KLC4: variants seen among roughly 807,000 people sequenced by gnomAD.
KLC4 encodes the protein kinesin light chain 4.
In KLC4, 49 loss-of-function variants were observed where a neutral mutation model predicts 77.2. The observed-to-expected ratio is 0.63, with a 90% CI of 0.50 to 0.80. The LOEUF (loss-of-function observed/expected upper bound fraction) is 0.80. Among genes scored for constraint, KLC4 ranks in the 30% least tolerant of loss-of-function variants. The pLI is 0.00. For missense variants in KLC4, 669 were observed against 793.5 expected (o/e 0.84, Z 1.89); for synonymous variants, 274 against 314.5 (o/e 0.87, Z 1.36).
At chr6:43,071,784 C>T (rs1765743094) in intron 10 of KLC4, 68 bp from the exon 11 acceptor site, 1 of 1,548,672 alleles carries the variant, frequency 6.5e-7, no homozygotes, top group Non-Finnish European at 8.8e-7. Flanking sequence ...CACCTTGCAT[C>T]TCAGCATCTC....
At chr6:43,067,119 C>T in intron 6 of KLC4, 36 bp downstream of exon 6, 1 of 1,600,830 alleles carries the variant, frequency 6.2e-7, no homozygotes, top group Non-Finnish European at 8.5e-7. Flanking sequence ...CCACGCCCCG[C>T]ACCCCCCACC....
At position 43,074,786 on chromosome 6, in the gene KLC4, T is replaced by A; in HGVS notation, c.*114T>A. On this transcript the variant is annotated 3_prime_UTR_variant, in exon 16 of 16. Coordinates refer to ENST00000347162, the MANE Select transcript of KLC4 (RefSeq NM_201521.3). ...TAGGTGGGACAGTGAAGGGGAGCAGTTTAACCAGAAGATTGCTGCTGCCCT... is the reference window on the plus strand; with the variant it reads ...TAGGTGGGACAGTGAAGGGGAGCAGATTAACCAGAAGATTGCTGCTGCCCT... The A allele has an allele frequency of 7.0e-6, 6 of 861,350 alleles. No homozygotes were observed. Among genetic ancestry groups the A allele is most frequent in the Admixed American group, 3.8e-5 (2 of 52,554 alleles). The allele number at this position is 861,350 out of a possible 1,614,324, so 53.4% of individuals were successfully genotyped here.
rs868584186 is a variant in KLC4, at chr6:43,073,713, A to G, written c.1746-189A>G. 31 of 601,472 alleles carry G rather than the reference A, an allele frequency of 5.2e-5. No homozygotes were observed. The South Asian group carries it at 5.2e-4, about 10-fold the overall frequency. The allele number at this position is 601,472 out of a possible 1,614,324, so 37.3% of individuals were successfully genotyped here. On this transcript the variant is annotated intron_variant, in intron 14 of 15. Coordinates refer to ENST00000347162, the MANE Select transcript of KLC4 (RefSeq NM_201521.3). ...CAAGTAAAGTAAGCCCTTGCCTCCA[A>G]CTCCTCTTGGCTCCTGATCTCTGGA...
At chr6:43,061,862 C>G (rs1328582827) in intron 2 of KLC4, among the ~76,000 whole-genome samples, 1 of 152,002 alleles carries the variant, frequency 6.6e-6, no homozygotes, top group Non-Finnish European at 1.5e-5. Flanking sequence ...ATTCGGTATG[C>G]CAGAGTGATA....
At chr6:43,061,690 A>G in intron 2 of KLC4, 97 bp downstream of exon 2, 3 of 1,232,876 alleles carry the variant, frequency 2.4e-6, no homozygotes, top group Non-Finnish European at 3.3e-6. Context: ...CTCACTCTAG[A>G]CGTTTGCATT....
intron 1 of KLC4, chr6:43,060,428 T>G: frequency 1.4e-6 from 2 of 1,455,826 alleles, no homozygotes; most frequent in East Asian, 2.7e-5. Context: ...AGGGTGTTTG[T>G]CCTGGGTGGG....
In KLC4 at chr6:43,071,734, T is replaced by C. The variant is rs1765740815; in HGVS notation, c.1308+115T>C. 5 of 1,434,380 alleles carry C rather than the reference T, an allele frequency of 3.5e-6. No individual in the cohort carries two copies. The Admixed American group carries it at 7.3e-5, about 21-fold the overall frequency. The allele number at this position is 1,434,380 out of a possible 1,614,324, so 88.9% of individuals were successfully genotyped here. ...CATCCCAGCACCAGCCCCAGATGCA[T>C]GGTGTCCTCCCCAGCCCAGCCTGCA... On this transcript the variant is annotated intron_variant, in intron 10 of 15. Coordinates refer to ENST00000347162, the MANE Select transcript of KLC4 (RefSeq NM_201521.3).
intron 6 of KLC4, 159 bp downstream of exon 6, chr6:43,067,242 CCTAATGATTCTCAATT>C: frequency 7.5e-7 from 1 of 1,327,974 alleles, no homozygotes; most frequent in Non-Finnish European, 9.7e-7. Flanking sequence ...GTCCAGTGAT[CCTAATGATTCTCAATT>C]CTCTGAGACT....
rs908951333 is a variant in KLC4 at position 43,065,487 on chromosome 6, C to T, written c.490-133C>T. 3 of 609,630 alleles carry T rather than the reference C, an allele frequency of 4.9e-6. No individual in the cohort carries two copies. The African/African-American group carries it at 5.5e-5, about 11-fold the overall frequency. The allele number at this position is 609,630 out of a possible 1,614,324, so 37.8% of individuals were successfully genotyped here. ...TTGGCTGGGCCACTTGCTAGCCTTT[C>T]CAGGGGCAGAGACAGGAACAACAGT... is the stretch of plus-strand genomic sequence containing the variant. On this transcript the variant is annotated intron_variant, in intron 3 of 15. Transcript: ENST00000347162.
rs527238560 is a variant in KLC4 at position 43,074,598 on chromosome 6, A to T, written c.1810-24A>T. On this transcript the variant is annotated intron_variant, in intron 15 of 15. Transcript: ENST00000347162. ...TTGGGAGGCCGAGGTCCCTGAGCTG[A>T]TGGGGTAGTGTTGTCTGTTTCAGGT... The T allele has an allele frequency of 1.7e-5, 28 of 1,612,670 alleles. 1 individual carries two copies. In the South Asian group the frequency reaches 3.1e-4, roughly 18 times the overall value.
chr6:43,062,786 C>G, intron 2 of KLC4, 131 bp from the exon 3 acceptor site: 1 of 678,050 alleles, frequency 1.5e-6, no homozygotes, highest in Admixed American at 2.5e-5. Context: ...AAGGTAGCAC[C>G]ACTGCTACAC....
intron 6 of KLC4, 41 bp downstream of exon 6, chr6:43,067,124 C>G (rs538360388): frequency 4.4e-5 from 71 of 1,604,622 alleles, no homozygotes; most frequent in Non-Finnish European, 5.4e-5. Flanking sequence ...CCCCGCACCC[C>G]CCACCATTGC....
chr6:43,073,259 G>A lies in KLC4; in HGVS notation c.1666G>A (p.Gly556Ser), dbSNP rs112027755. 3 of 1,614,130 alleles carry A rather than the reference G, an allele frequency of 1.9e-6. No homozygotes were observed. Among genetic ancestry groups the A allele is most frequent in the Non-Finnish European group, 2.5e-6 (3 of 1,180,014 alleles). The change falls in exon 14 of 16, where the codon GGC becomes AGC. Residue 556 changes from glycine to serine, a missense_variant. Coordinates refer to ENST00000347162, the MANE Select transcript of KLC4 (RefSeq NM_201521.3). Reference sequence around the variant, plus strand: ...GACCCTGCAGAGGAGTGGCTCTCTTGGCAAGATCCGGGATGTGCTCCGCAG... The same window carrying A: ...GACCCTGCAGAGGAGTGGCTCTCTTAGCAAGATCCGGGATGTGCTCCGCAG... ...SGTLQRSGSL[G>S]KIRDVLRRSS...
At position 43,060,399 on chromosome 6, in the gene KLC4, T is replaced by G; in HGVS notation, c.-26+714T>G. 1.9e-5 allele frequency: 24 copies of G among 1,266,454 alleles called. No homozygotes were observed. In the East Asian group the frequency reaches 2.2e-4, roughly 12 times the overall value. The allele number at this position is 1,266,454 out of a possible 1,614,324, so 78.5% of individuals were successfully genotyped here. On this transcript the variant is annotated intron_variant, in intron 1 of 15. Transcript: ENST00000347162. ...GGAATTGGGCGTCTTTGAAGACCTG[T>G]GGGCAGAGGGAGGGAGGGAGGGTGT...
rs776689286 is a variant in KLC4, at chr6:43,066,368, C to T, written c.634C>T (p.Arg212Trp). ...TGGATATGAGATCCCAGCAAGGTTG[C>T]GGACGTTGCACAACCTGGTGATCCA... ...QGGYEIPARL[R>W]TLHNLVIQYA... The change falls in exon 5 of 16, where the codon CGG becomes TGG. Residue 212 changes from arginine (R) to tryptophan (W), a missense_variant. Physicochemically the swap from Arg to Trp is moderately radical, Grantham distance 101. Coordinates refer to ENST00000347162, the MANE Select transcript of KLC4 (RefSeq NM_201521.3). 6.8e-6 allele frequency: 11 copies of T among 1,614,152 alleles called. No individual in the cohort carries two copies. The highest frequency in any genetic ancestry group is 4.5e-5 in the East Asian group (2 of 44,890).
chr6:43,071,457 C>A, intron 9 of KLC4, 83 bp downstream of exon 9: 2 of 1,541,636 alleles, frequency 1.3e-6, no homozygotes, highest in Non-Finnish European at 9.0e-7. Flanking sequence ...CACAGCGGTT[C>A]CCAGGGGGAG....
At chr6:43,067,227 G>T in intron 6 of KLC4, 144 bp downstream of exon 6, 1 of 1,418,304 alleles carries the variant, frequency 7.1e-7, no homozygotes. Context: ...TTTCTTCCAG[G>T]CACTGTCCAG....
In KLC4 at chr6:43,063,052, C is replaced by T. The variant is rs563190430; in HGVS notation, c.394C>T (p.Arg132Cys). The T allele has an allele frequency of 4.1e-5, 66 of 1,614,206 alleles. No individual in the cohort carries two copies. The South Asian group carries it at 4.4e-4, about 11-fold the overall frequency. The change falls in exon 3 of 16, where the codon CGC becomes TGC. Residue 132 changes from arginine (R) to cysteine (C), a missense_variant. Arg to Cys is a radical substitution (Grantham distance 180). Transcript: ENST00000347162. ...ELAGTQQRLQRSEQAVAQLEE... is the reference protein window; with the variant it reads ...ELAGTQQRLQCSEQAVAQLEE... ...GGCTGGCACCCAGCAGCGGCTACAG[C>T]GCAGTGAACAGGCTGTGGCTCAGCT...
At position 43,070,489 on chromosome 6, in the gene KLC4, G is replaced by A. The variant is rs371553518; in HGVS notation, c.981+34G>A. ...GCCCTCTCTCCCTTCTTCTCTTGTC[G>A]CTGTGACCCTTCTCTACATGGCTCC... On this transcript the variant is annotated intron_variant, in intron 7 of 15. Coordinates refer to ENST00000347162, the MANE Select transcript of KLC4 (RefSeq NM_201521.3). 206 of 1,545,716 alleles carry A rather than the reference G, an allele frequency of 1.3e-4. No homozygotes were observed. In the African/African-American group the frequency reaches 2.2e-3, roughly 16 times the overall value.
Sources: gnomAD v4.1 joint callset for allele counts (sites outside exome capture counted in the v4.1 genomes callset) on GRCh38, gnomAD v4.1.1 for gene constraint, MANE v1.5 for transcripts, NCBI Gene and HGNC (gene_info 2026-07-23, HGNC 2026-07-21) for gene names.